BBX: variants seen among roughly 807,000 people sequenced by gnomAD.
The protein encoded by BBX is HMG box transcription factor BBX.
A neutral mutation model predicts 100.2 loss-of-function variants in BBX; 30 were observed. The observed-to-expected ratio is 0.30, with a 90% CI of 0.22 to 0.41. The LOEUF (loss-of-function observed/expected upper bound fraction) is 0.41. Ranked by LOEUF, BBX falls within the 10% of genes least tolerant of loss-of-function variation. BBX has a pLI of 1.00. For missense variants in BBX, 1,023 were observed against 1,129.8 expected, an observed-to-expected ratio of 0.91 and a Z score of 1.35; for synonymous variants, 376 against 388.1, an observed-to-expected ratio of 0.97 and a Z score of 0.37.
intron 3 of BBX, among the ~76,000 whole-genome samples, chr3:107,680,925 CT>C (rs1211439731): frequency 6.6e-6 from 1 of 152,146 alleles, no homozygotes; most frequent in Non-Finnish European, 1.5e-5. Context: ...AAAGCCTAAA[CT>C]TGCAGAAGTA....
chr3:107,745,577 T>A (rs2064511533), intron 8 of BBX, among the ~76,000 whole-genome samples: 1 of 152,204 alleles, frequency 6.6e-6, no homozygotes, highest in Admixed American at 6.5e-5. Context: ...TCCGCTTGTC[T>A]CAGCCTCCTG....
chr3:107,544,966 G>A (rs1576246715), intron 2 of BBX, among the ~76,000 whole-genome samples: 2 of 151,598 alleles, frequency 1.3e-5, no homozygotes, highest in South Asian at 2.1e-4. Flanking sequence ...GCAATGAGCC[G>A]AGATCCGCCA....
At chr3:107,769,408 G>A (rs1176340430) in intron 10 of BBX, among the ~76,000 whole-genome samples, 1 of 152,102 alleles carries the variant, frequency 6.6e-6, no homozygotes, top group African/African-American at 2.4e-5. Context: ...CTTAGCCTCT[G>A]TTTCCTCATA....
At chr3:107,691,744 A>G (rs2060183428) in intron 3 of BBX, among the ~76,000 whole-genome samples, 1 of 152,222 alleles carries the variant, frequency 6.6e-6, no homozygotes, top group Admixed American at 6.5e-5. Flanking sequence ...CAGTATTCTA[A>G]GCATTTGGGA....
At chr3:107,536,620 C>T (rs916744824) in intron 2 of BBX, among the ~76,000 whole-genome samples, 1 of 152,108 alleles carries the variant, frequency 6.6e-6, no homozygotes, top group African/African-American at 2.4e-5. Context: ...TGACACCTTT[C>T]TTTCTGCTTG....
At chr3:107,656,173 A>G (rs2058129420) in intron 3 of BBX, among the ~76,000 whole-genome samples, 1 of 148,792 alleles carries the variant, frequency 6.7e-6, no homozygotes, top group South Asian at 2.1e-4. Context: ...TTGGTCCAAG[A>G]GAAAAAAATA....
intron 2 of BBX, among the ~76,000 whole-genome samples, chr3:107,626,706 G>C (rs1337710286): frequency 1.4e-5 from 2 of 146,864 alleles, no homozygotes; most frequent in Non-Finnish European, 3.0e-5. Context: ...CCAGGCTGTA[G>C]TGCAGTAGCA....
At chr3:107,523,416 C>A (rs979614834) in intron 1 of BBX, 3 of 153,360 alleles carry the variant, frequency 2.0e-5, no homozygotes, top group African/African-American at 7.3e-5. Flanking sequence ...GGGCGGGGGG[C>A]GCTGAGGCAG....
intron 15 of BBX, among the ~76,000 whole-genome samples, chr3:107,796,579 C>T (rs2069694575): frequency 6.6e-6 from 1 of 152,088 alleles, no homozygotes; most frequent in Non-Finnish European, 1.5e-5. Context: ...ATTTAATGCT[C>T]ATTGTAAATT....
At chr3:107,723,159 GT>G (rs1306802256) in intron 5 of BBX, among the ~76,000 whole-genome samples, 1 of 151,814 alleles carries the variant, frequency 6.6e-6, no homozygotes, top group Non-Finnish European at 1.5e-5. Flanking sequence ...CATTCTCTGG[GT>G]CCCTCCTGAC....
chr3:107,774,940 A>G (rs1037571087), intron 12 of BBX, 83 bp downstream of exon 12: 7 of 1,489,428 alleles, frequency 4.7e-6, no homozygotes, highest in Non-Finnish European at 5.4e-6. Flanking sequence ...ATCACTAACT[A>G]CGCATGCTTG....
rs200844510 is a variant in BBX at position 107,801,220 on chromosome 3, G to A, written c.2677G>A (p.Val893Met). The change falls in exon 17 of 18, where the codon GTG becomes ATG. Residue 893 changes from valine (V) to methionine (M), a missense_variant. Val to Met is a conservative substitution (Grantham distance 21). Around this residue, in one of 9 missense-constraint regions of BBX, gnomAD observed 104 missense variants for 132.2 expected, o/e 0.79. Coordinates refer to ENST00000325805, the MANE Select transcript of BBX (RefSeq NM_001142568.3). Reference sequence around the variant, plus strand: ...GAGCAGTACTCCAGAAATGCCTGCCGTGTCTGCGTTCTTTAGCCTCGCTGC... The same window carrying A: ...GAGCAGTACTCCAGAAATGCCTGCCATGTCTGCGTTCTTTAGCCTCGCTGC... ...TRSSTPEMPA[V>M]SAFFSLAALA... 4.6e-5 allele frequency: 74 copies of A among 1,614,232 alleles called. No homozygotes were observed. In the East Asian group the frequency reaches 6.0e-4, roughly 13 times the overall value.
Position 107,805,592 on chromosome 3 carries a change from C to G in BBX, c.*135C>G. On this transcript the variant is annotated 3_prime_UTR_variant, in exon 18 of 18. Transcript: ENST00000325805. ...CTTGTTGCCCCACACGGCCCAGATT[C>G]ACTTGAAGCAGAAGTTAGCATCCTG... 6.6e-7 allele frequency: 1 copy of G among 1,506,218 alleles called. No homozygotes were observed. Among genetic ancestry groups the G allele is most frequent in the South Asian group, 1.2e-5 (1 of 80,330 alleles). The allele number at this position is 1,506,218 out of a possible 1,614,324, so 93.3% of individuals were successfully genotyped here.
chr3:107,686,431 G>GT (rs1189147021), intron 3 of BBX, among the ~76,000 whole-genome samples: 105 of 144,544 alleles, frequency 7.3e-4, no homozygotes, highest in East Asian at 1.4e-3. Flanking sequence ...CTTGTTTTTT[G>GT]TTTTTTTTTT....
chr3:107,681,327 CT>C (rs2059564187), intron 3 of BBX, among the ~76,000 whole-genome samples: 1 of 152,026 alleles, frequency 6.6e-6, no homozygotes, highest in Non-Finnish European at 1.5e-5. Flanking sequence ...TATGAAACGT[CT>C]TTTTTAAGGA....
Position 107,730,738 on chromosome 3 carries a change from C to G in BBX, c.601+1778C>G, listed in dbSNP as rs1196311615. Among the ~76,000 whole-genome samples, 3 of 152,150 alleles carry G rather than the reference C, an allele frequency of 2.0e-5. No homozygotes were observed. The East Asian group carries it at 5.8e-4, about 29-fold the overall frequency. ...GAAAACACCTTCCTTGCATTTATCT[C>G]ATTATGTAATGGCTTGGGTTATATG... is the stretch of plus-strand genomic sequence containing the variant. On this transcript the variant is annotated intron_variant, in intron 6 of 17. Transcript: ENST00000325805.
chr3:107,558,194 AGGGGGCTATCTTGGCC>A (rs2050221638), intron 2 of BBX, among the ~76,000 whole-genome samples: 1 of 152,216 alleles, frequency 6.6e-6, no homozygotes, highest in Non-Finnish European at 1.5e-5. Flanking sequence ...TCACTAAGAA[AGGGGGCTATCTTGGCC>A]GGGCGCAGTG....
intron 7 of BBX, among the ~76,000 whole-genome samples, chr3:107,741,236 A>G (rs1467795520): frequency 6.6e-6 from 1 of 152,060 alleles, no homozygotes; most frequent in Non-Finnish European, 1.5e-5. Flanking sequence ...ACTACTCACA[A>G]TGCATGTAAC....
chr3:107,566,037 T>C (rs1175987708), intron 2 of BBX, among the ~76,000 whole-genome samples: 1 of 151,596 alleles, frequency 6.6e-6, no homozygotes, highest in Non-Finnish European at 1.5e-5. Context: ...TAGCCAGGCA[T>C]GGTGGTGGAT....
Sources: gnomAD v4.1 joint callset for allele counts (sites outside exome capture counted in the v4.1 genomes callset) on GRCh38, gnomAD v4.1.1 for gene constraint, gnomAD v4.1.1 regional missense constraint, MANE v1.5 for transcripts, NCBI Gene and HGNC (gene_info 2026-07-23, HGNC 2026-07-21) for gene names.